The following MICU3 variants were observed in gnomAD, a reference collection of about 807,000 sequenced individuals.
MICU3 encodes the protein calcium uptake protein 3, mitochondrial.
MICU3 carries 62 observed loss-of-function variants against 66.5 expected under a neutral mutation model. That is an observed-to-expected ratio of 0.93 (90% CI 0.76 to 1.15). MICU3 has a LOEUF of 1.15. MICU3 is among the 50% of genes most tolerant of loss of function. The pLI is 0.00. For missense variants in MICU3, 779 were observed against 664.4 expected (o/e 1.17, Z -1.90); for synonymous variants, 308 against 240.7 (o/e 1.28, Z -2.59).
At chr8:17,085,404 T>C (rs1799365714) in intron 6 of MICU3, 86 bp downstream of exon 6, 1 of 789,266 alleles carries the variant, frequency 1.3e-6, no homozygotes, top group Non-Finnish European at 2.0e-6. Flanking sequence ...GGAGTACTAC[T>C]GTAGAGAAAA....
At chr8:17,076,141 C>T (rs747685412) in intron 3 of MICU3, among the ~76,000 whole-genome samples, 6 of 151,986 alleles carry the variant, frequency 3.9e-5, no homozygotes, top group Admixed American at 1.3e-4. Flanking sequence ...ATTTTTCCAC[C>T]TCAGCCTCCT....
At chr8:17,118,613 C>T in intron 13 of MICU3, 94 bp from the exon 14 acceptor site, 1 of 795,012 alleles carries the variant, frequency 1.3e-6, no homozygotes, top group East Asian at 2.6e-5. Flanking sequence ...CTCTCCACTT[C>T]TATGAGTTTG....
chr8:17,064,022 G>A (rs575183409), intron 1 of MICU3, 62 bp from the exon 2 acceptor site: 4 of 1,258,126 alleles, frequency 3.2e-6, no homozygotes, highest in East Asian at 4.9e-5. Flanking sequence ...ATAATTAAAA[G>A]TATCTTCTAG....
At chr8:17,056,591 C>T (rs77056580) in intron 1 of MICU3, among the ~76,000 whole-genome samples, 10,155 of 152,188 alleles carry the variant, frequency 0.067, 485 homozygotes, top group East Asian at 0.22. Context: ...CCTGGTGTGA[C>T]TGGAGGAAAG....
intron 1 of MICU3, among the ~76,000 whole-genome samples, chr8:17,032,591 G>C (rs1410364992): frequency 3.3e-5 from 5 of 152,110 alleles, no homozygotes; most frequent in Non-Finnish European, 5.9e-5. Flanking sequence ...ACATTATTAA[G>C]TTTCCTTTAC....
At chr8:17,107,587 GCAC>G (rs1314951927) in intron 11 of MICU3, among the ~76,000 whole-genome samples, 1 of 152,228 alleles carries the variant, frequency 6.6e-6, no homozygotes, top group African/African-American at 2.4e-5. Flanking sequence ...GCAAACTACT[GCAC>G]CTATTTTTGT....
intron 1 of MICU3, among the ~76,000 whole-genome samples, chr8:17,062,956 T>G (rs1295132600): frequency 6.6e-6 from 1 of 152,150 alleles, no homozygotes; most frequent in Non-Finnish European, 1.5e-5. Flanking sequence ...ATTATACCAT[T>G]GTTTTGTAAT....
In MICU3 at chr8:17,086,978, C is replaced by T. The variant is rs1469006825; in HGVS notation, c.792C>T (p.Phe264=). The T allele has an allele frequency of 6.2e-7, 1 of 1,600,928 alleles. No individual in the cohort carries two copies. The highest frequency in any genetic ancestry group is 1.7e-5 in the Admixed American group (1 of 59,510). ...TTCTTTGTCAGCTTCAAGAGATATT[C>T]AGGAAAAAAAATGAAAAGAGAGAAA... ...KKEFLVLQEI[F]RKKNEKREIK... is the part of the protein sequence containing the mutation. The change falls in exon 7 of 15, where the codon TTC becomes TTT. Residue 264 remains phenylalanine (F), a synonymous_variant. Transcript: ENST00000318063.
intron 7 of MICU3, among the ~76,000 whole-genome samples, chr8:17,089,695 G>T (rs1045896099): frequency 2.6e-5 from 4 of 151,730 alleles, no homozygotes; most frequent in South Asian, 2.1e-4. Flanking sequence ...CTGTTCCTCA[G>T]TTTTTTTTCA....
chr8:17,071,030 A>G (rs1425504356), intron 3 of MICU3, among the ~76,000 whole-genome samples: 3 of 152,094 alleles, frequency 2.0e-5, no homozygotes, highest in African/African-American at 7.2e-5. Context: ...GCAACTTAAA[A>G]CTTAGGAATT....
chr8:17,055,082 A>C (rs900119734), intron 1 of MICU3, among the ~76,000 whole-genome samples: 11 of 152,122 alleles, frequency 7.2e-5, no homozygotes, highest in African/African-American at 2.7e-4. Flanking sequence ...AAAAGGTCAG[A>C]GTTACGGAAG....
chr8:17,105,963 C>A (rs1217861893), intron 11 of MICU3, among the ~76,000 whole-genome samples: 1 of 151,972 alleles, frequency 6.6e-6, no homozygotes, highest in Non-Finnish European at 1.5e-5. Context: ...CCGTAACACC[C>A]TTAATAAAAG....
At chr8:17,130,141 G>C in the MICU3 span, among the ~76,000 whole-genome samples, 3 of 152,128 alleles carry the variant, frequency 2.0e-5, no homozygotes, top group African/African-American at 7.2e-5. Flanking sequence ...AATGAAACTA[G>C]CCAAAAATTT....
intron 3 of MICU3, among the ~76,000 whole-genome samples, chr8:17,075,170 T>G (rs1344823068): frequency 6.6e-6 from 1 of 151,884 alleles, no homozygotes; most frequent in African/African-American, 2.4e-5. Flanking sequence ...TTCTATGCCT[T>G]CTTTGAGAAC....
At position 17,027,378 on chromosome 8, in the gene MICU3, G is replaced by T. The variant is rs768201460; in HGVS notation, c.99G>T (p.Val33=). ...PLLGPWGRPA[V]TTLGLPGRPF... ...TTGGGCCGTGGGGGCGGCCTGCGGTGACCACCCTGGGCCTTCCTGGCCGGC... is the reference window on the plus strand; with the variant it reads ...TTGGGCCGTGGGGGCGGCCTGCGGTTACCACCCTGGGCCTTCCTGGCCGGC... The change falls in exon 1 of 15, where the codon GTG becomes GTT. Residue 33 remains valine, a synonymous_variant. Transcript: ENST00000318063. The T allele has an allele frequency of 1.3e-6, 2 of 1,488,354 alleles. No individual in the cohort carries two copies. The highest frequency in any genetic ancestry group is 8.9e-7 in the Non-Finnish European group (1 of 1,128,698). 92.2% of individuals were successfully genotyped at this position (1,488,354 alleles called of 1,614,324 possible). A position where few individuals can be genotyped will look rare whatever the true frequency, so the allele number is the denominator to read the frequency against.
intron 4 of MICU3, among the ~76,000 whole-genome samples, chr8:17,080,346 A>G (rs770171644): frequency 1.2e-4 from 18 of 152,040 alleles, no homozygotes; most frequent in Non-Finnish European, 2.6e-4. Context: ...GACACTCACT[A>G]TTAAGTAGTC....
At chr8:17,069,934 T>A (rs1819299137) in intron 3 of MICU3, among the ~76,000 whole-genome samples, 1 of 152,090 alleles carries the variant, frequency 6.6e-6, no homozygotes, top group South Asian at 2.1e-4. Flanking sequence ...AAATGTAGAT[T>A]ACTGGTAAAT....
At chr8:17,098,940 G>A (rs1801013085) in intron 9 of MICU3, among the ~76,000 whole-genome samples, 1 of 151,676 alleles carries the variant, frequency 6.6e-6, no homozygotes, top group Admixed American at 6.6e-5. Context: ...ATAGTGAGTG[G>A]CTTACCAAGG....
intron 11 of MICU3, among the ~76,000 whole-genome samples, chr8:17,110,874 G>C (rs909675288): frequency 2.6e-5 from 4 of 152,004 alleles, no homozygotes; most frequent in Non-Finnish European, 5.9e-5. Flanking sequence ...ACCATACCTG[G>C]TCTCATAGTG....
Sources: gnomAD v4.1 joint callset for allele counts (sites outside exome capture counted in the v4.1 genomes callset) on GRCh38, gnomAD v4.1.1 for gene constraint, MANE v1.5 for transcripts, NCBI Gene and HGNC (gene_info 2026-07-23, HGNC 2026-07-21) for gene names.